The following C11orf54 variants were observed in gnomAD, a reference collection of about 807,000 sequenced individuals.
C11orf54 encodes the protein beta-keto-L-gulonate decarboxylase.
Under a neutral mutation model 35.5 loss-of-function variants are expected in C11orf54, and 29 were observed. The observed-to-expected ratio is 0.82, with a 90% CI of 0.61 to 1.11. The LOEUF is 1.11. Among genes scored for constraint, C11orf54 ranks in the 50% most tolerant of loss-of-function variants. The probability of loss-of-function intolerance (pLI) is 0.00; values close to 1 mark genes in which losing one functional copy is unlikely to be tolerated. For synonymous variants in C11orf54, 108 were observed against 121.1 expected (o/e 0.89, Z 0.71); for missense variants, 373 against 369.2 (o/e 1.01, Z -0.08).
At chr11:93,748,806 G>A (rs1026477839) in intron 2 of C11orf54, among the ~76,000 whole-genome samples, 2 of 149,102 alleles carry the variant, frequency 1.3e-5, no homozygotes, top group Non-Finnish European at 3.0e-5. Context: ...ACTGTACTTC[G>A]ACCTGGGCAA....
At chr11:93,749,390 G>A (rs1469689892) in intron 2 of C11orf54, among the ~76,000 whole-genome samples, 4 of 151,640 alleles carry the variant, frequency 2.6e-5, no homozygotes, top group Middle Eastern at 3.5e-3. Context: ...TTTGAGGTGG[G>A]AGGATTACTT....
chr11:93,750,567 A>C, intron 3 of C11orf54, 123 bp downstream of exon 3: 1 of 710,130 alleles, frequency 1.4e-6, no homozygotes, highest in South Asian at 1.9e-5. Flanking sequence ...ATTTAGGCTA[A>C]ATTGTGCCAA....
rs1942528281 is a variant in C11orf54, at chr11:93,747,349, A to G, written c.-45A>G. On this transcript the variant is annotated 5_prime_UTR_variant, in exon 2 of 9. Coordinates refer to ENST00000354421, the MANE Select transcript of C11orf54 (RefSeq NM_001286069.2). ...TGTGGACTCTTGTGATAATTAACCA[A>G]GAGTAGCTCTATTTGTCCAACCTCA... 3 of 1,490,518 alleles carry G rather than the reference A, an allele frequency of 2.0e-6. 1 individual carries two copies. The South Asian group carries it at 3.8e-5, about 19-fold the overall frequency. 92.3% of individuals were successfully genotyped at this position (1,490,518 alleles called of 1,614,324 possible).
chr11:93,748,725 A>G (rs1370278810), intron 2 of C11orf54, among the ~76,000 whole-genome samples: 1 of 151,812 alleles, frequency 6.6e-6, no homozygotes, highest in Non-Finnish European at 1.5e-5. Context: ...AATTCCCGCT[A>G]TTCAGGAGTC....
At chr11:93,760,253 T>C (rs1404632643) in intron 8 of C11orf54, among the ~76,000 whole-genome samples, 3 of 152,194 alleles carry the variant, frequency 2.0e-5, no homozygotes, top group Non-Finnish European at 4.4e-5. Context: ...CCATGTGTTG[T>C]TGTTATTTAA....
chr11:93,751,548 G>T (rs1942829370), intron 3 of C11orf54, among the ~76,000 whole-genome samples: 1 of 151,646 alleles, frequency 6.6e-6, no homozygotes, highest in South Asian at 2.1e-4. Flanking sequence ...GAGACTACAG[G>T]CATGTGCCAC....
Position 93,755,188 on chromosome 11 carries a change from A to G in C11orf54, c.331-22A>G, listed in dbSNP as rs764480368. ...CTTTGCAGAGATACAAAGATTGACT[A>G]ATTGCCTCACTTTCTTTTCAGTTTA... On this transcript the variant is annotated intron_variant, in intron 5 of 8. Coordinates refer to ENST00000354421, the MANE Select transcript of C11orf54 (RefSeq NM_001286069.2). 3 of 1,609,284 alleles carry G rather than the reference A, an allele frequency of 1.9e-6. No homozygotes were observed. The African/African-American group carries it at 4.0e-5, about 22-fold the overall frequency.
rs1943508750 is a variant in C11orf54 at position 93,762,125 on chromosome 11, C to A, written c.*437C>A. 6.6e-6 allele frequency: 1 copy of A among 151,922 alleles called. No homozygotes were observed. The highest frequency in any genetic ancestry group is 2.4e-5 in the African/African-American group (1 of 41,314). The allele number at this position is 151,922 out of a possible 1,614,324, so 9.4% of individuals were successfully genotyped here. A position where few individuals can be genotyped will look rare whatever the true frequency, so the allele number is the denominator to read the frequency against. ...ATCAGCGAAATCAGTCATGTTTATA[C>A]CTTGAATATAAATATCAGGAATCAT... On this transcript the variant is annotated 3_prime_UTR_variant, in exon 9 of 9. Coordinates refer to ENST00000354421, the MANE Select transcript of C11orf54 (RefSeq NM_001286069.2).
At chr11:93,752,257 A>T (rs1322500142) in intron 3 of C11orf54, among the ~76,000 whole-genome samples, 4 of 152,176 alleles carry the variant, frequency 2.6e-5, no homozygotes, top group African/African-American at 7.2e-5. Context: ...ATATGCATCT[A>T]ATATGTGTAT....
At chr11:93,756,036 A>G (rs1459270203) in intron 6 of C11orf54, among the ~76,000 whole-genome samples, 1 of 151,840 alleles carries the variant, frequency 6.6e-6, no homozygotes, top group East Asian at 2.0e-4. Flanking sequence ...GGAAGGTGGC[A>G]CATGCCTGTA....
At chr11:93,742,320 G>C (rs1942135862) in intron 1 of C11orf54, among the ~76,000 whole-genome samples, 1 of 148,022 alleles carries the variant, frequency 6.8e-6, no homozygotes, top group South Asian at 2.1e-4. Context: ...TTTCGCTCTT[G>C]TTGCCCAGGC....
At chr11:93,758,601 C>T (rs1317058145) in intron 7 of C11orf54, among the ~76,000 whole-genome samples, 2 of 152,264 alleles carry the variant, frequency 1.3e-5, no homozygotes, top group Non-Finnish European at 2.9e-5. Flanking sequence ...CAAAGTCAGG[C>T]AGAGCCCGGT....
At chr11:93,754,574 A>G (rs187246471) in intron 5 of C11orf54, among the ~76,000 whole-genome samples, 14 of 152,292 alleles carry the variant, frequency 9.2e-5, no homozygotes, top group African/African-American at 3.4e-4. Flanking sequence ...TCATTCTCTC[A>G]TAACCTCTTC....
At chr11:93,744,346 G>A (rs1286786236) in intron 1 of C11orf54, among the ~76,000 whole-genome samples, 6 of 152,146 alleles carry the variant, frequency 3.9e-5, no homozygotes, top group South Asian at 2.1e-4. Context: ...ATAAATAAAC[G>A]GAAACAACTG....
intron 6 of C11orf54, among the ~76,000 whole-genome samples, chr11:93,756,153 CAAGACTCTGTCTCCAAA>C (rs1565270199): frequency 1.1e-4 from 11 of 97,080 alleles, no homozygotes; most frequent in Admixed American, 3.5e-4. Context: ...GGCAACAAAG[CAAGACTCTGTCTCCAAA>C]AAAAAAAAAA....
intron 7 of C11orf54, 49 bp from the exon 8 acceptor site, chr11:93,759,693 T>A (rs1298332789): frequency 1.1e-6 from 1 of 914,074 alleles, no homozygotes; most frequent in Non-Finnish European, 1.6e-6. Context: ...AATTTTTAAT[T>A]CTTAGTAATA....
chr11:93,743,167 A>G (rs1477706561), intron 1 of C11orf54, among the ~76,000 whole-genome samples: 1 of 151,730 alleles, frequency 6.6e-6, no homozygotes, highest in Admixed American at 6.6e-5. Context: ...CAACCGGCTA[A>G]TTTTTGTACT....
intron 2 of C11orf54, among the ~76,000 whole-genome samples, chr11:93,749,730 G>C (rs1467923387): frequency 6.6e-6 from 1 of 152,108 alleles, no homozygotes; most frequent in Non-Finnish European, 1.5e-5. Context: ...TTTTTACATT[G>C]TTACTGAGGT....
chr11:93,747,555 C>CTTACTTATA, intron 2 of C11orf54, 107 bp downstream of exon 2: 1 of 587,656 alleles, frequency 1.7e-6, no homozygotes, highest in Non-Finnish European at 2.7e-6. Flanking sequence ...ATATCTATAT[C>CTTACTTATA]TTACTTATCA....
Sources: gnomAD v4.1 joint callset for allele counts (sites outside exome capture counted in the v4.1 genomes callset) on GRCh38, gnomAD v4.1.1 for gene constraint, MANE v1.5 for transcripts, NCBI Gene and HGNC (gene_info 2026-07-23, HGNC 2026-07-21) for gene names.